CCN1: variants seen among roughly 807,000 people sequenced by gnomAD.
CCN1 encodes CCN family member 1.
CCN1 carries 12 observed loss-of-function variants against 38.1 expected under a neutral mutation model. The ratio of observed to expected loss-of-function variants is 0.31; its 90% CI spans 0.20 to 0.51. The LOEUF (loss-of-function observed/expected upper bound fraction) is 0.51, where lower values mean the gene tolerates loss of function less well. CCN1 is among the 20% of genes least tolerant of loss of function. The probability of loss-of-function intolerance (pLI) is 0.97; values close to 1 mark genes in which losing one functional copy is unlikely to be tolerated. For missense variants in CCN1, 466 were observed against 490.9 expected (o/e 0.95, Z 0.48); for synonymous variants, 202 against 196.1 (o/e 1.03, Z -0.25).
chr1:85,581,400 C>G lies in CCN1; in HGVS notation c.99C>G (p.Pro33=), dbSNP rs369237188. The change falls in exon 2 of 5, where the codon CCC becomes CCG. Residue 33 remains proline, a synonymous_variant. Coordinates refer to ENST00000451137, the MANE Select transcript of CCN1 (RefSeq NM_001554.5). ...CCTGCCCCGCTGCCTGCCACTGCCCCCTGGAGGCGCCCAAGTGCGCGCCGG... is the reference window on the plus strand; with the variant it reads ...CCTGCCCCGCTGCCTGCCACTGCCCGCTGGAGGCGCCCAAGTGCGCGCCGG... The part of the protein sequence containing the change: ...LSTCPAACHC[P]LEAPKCAPGV... The G allele has an allele frequency of 2.5e-6, 4 of 1,604,082 alleles. No individual in the cohort carries two copies. The highest frequency in any genetic ancestry group is 3.4e-6 in the Non-Finnish European group (4 of 1,176,214).
rs1320683539 is a variant in CCN1 at position 85,583,263 on chromosome 1, T to G, written c.*221T>G. 3 of 578,808 alleles carry G rather than the reference T, an allele frequency of 5.2e-6. No individual in the cohort carries two copies. In the South Asian group the frequency reaches 6.8e-5, roughly 13 times the overall value. 35.9% of individuals were successfully genotyped at this position (578,808 alleles called of 1,614,324 possible). On this transcript the variant is annotated 3_prime_UTR_variant, in exon 5 of 5. Coordinates refer to ENST00000451137, the MANE Select transcript of CCN1 (RefSeq NM_001554.5). ...CACGATTGGAGAATACTTTGCTTCA[T>G]AGTATTGGAGCACATGTTACTGCTT... is the stretch of plus-strand genomic sequence containing the variant.
At chr1:85,581,249 C>T in intron 1 of CCN1, 116 bp from the exon 2 acceptor site, 1 of 1,256,418 alleles carries the variant, frequency 8.0e-7, no homozygotes, top group Non-Finnish European at 1.1e-6. Flanking sequence ...CCGGGCTGGA[C>T]GAGATCAGAG....
At position 85,582,495 on chromosome 1, in the gene CCN1, G is replaced by T. The variant is rs759768515; in HGVS notation, c.714G>T (p.Gln238His). 1.2e-6 allele frequency: 2 copies of T among 1,614,148 alleles called. No individual in the cohort carries two copies. Among genetic ancestry groups the T allele is most frequent in the Admixed American group, 3.3e-5 (2 of 60,026 alleles). Reference protein sequence around the residue: ...KCIVQTTSWSQCSKTCGTGIS... With the variant: ...KCIVQTTSWSHCSKTCGTGIS... ...TTGTTCAAACAACTTCATGGTCCCA[G>T]TGCTCAAAGACCTGTGGAACTGGTA... The change falls in exon 4 of 5, where the codon CAG (glutamine) becomes CAT (histidine). Residue 238 changes from glutamine (Q) to histidine (H), a missense_variant. By Grantham distance (24) the Gln-to-His change is conservative (BLOSUM62 0). Transcript: ENST00000451137.
Position 85,582,044 on chromosome 1 carries a change from C to T in CCN1, c.394C>T (p.Pro132Ser), listed in dbSNP as rs776604993. The change falls in exon 3 of 5, where the codon CCT becomes TCT. Residue 132 changes from proline (P) to serine (S), a missense_variant. Pro to Ser is a moderately conservative substitution (Grantham distance 74). Around this residue, in one of 3 missense-constraint regions of CCN1, gnomAD observed 309 missense variants for 319.9 expected, o/e 0.97. Coordinates refer to ENST00000451137, the MANE Select transcript of CCN1 (RefSeq NM_001554.5). The part of the protein sequence containing the change: ...TCIDGAVGCI[P>S]LCPQELSLPN... ...TATTGATGGCGCCGTGGGCTGCATT[C>T]CTCTGTGTCCCCAAGAACTATCTCT... The T allele has an allele frequency of 6.2e-7, 1 of 1,614,190 alleles. No individual in the cohort carries two copies. The highest frequency in any genetic ancestry group is 1.3e-5 in the African/African-American group (1 of 75,062).
At chr1:85,581,103 C>G in intron 1 of CCN1, 56 bp downstream of exon 1, 6 of 1,541,654 alleles carry the variant, frequency 3.9e-6, no homozygotes, top group Non-Finnish European at 5.2e-6. Flanking sequence ...AGCCCCTTCC[C>G]CTGGTCCCAG....
At position 85,582,860 on chromosome 1, in the gene CCN1, T is replaced by C; in HGVS notation, c.964T>C (p.Cys322Arg). The C allele has an allele frequency of 1.9e-6, 3 of 1,614,200 alleles. No individual in the cohort carries two copies. The highest frequency in any genetic ancestry group is 1.3e-5 in the African/African-American group (1 of 75,048). ...CTGCGGTTCCTGCGTGGACGGCCGA[T>C]GCTGCACGCCCCAGCTGACCAGGAC... ...KYCGSCVDGR[C>R]CTPQLTRTVK... The change falls in exon 5 of 5, where the codon TGC (cysteine) becomes CGC (arginine). Residue 322 changes from cysteine (C) to arginine (R), a missense_variant. Physicochemically the swap from Cys to Arg is radical, Grantham distance 180. Transcript: ENST00000451137.
rs538855206 is a variant in CCN1, at chr1:85,583,095, A to C, written c.*53A>C. ...TAGACAAACAAGGGAGAAGAGTGTCAGAATCAGAATCATGGAGAAAATGGG... is the reference window on the plus strand; with the variant it reads ...TAGACAAACAAGGGAGAAGAGTGTCCGAATCAGAATCATGGAGAAAATGGG... On this transcript the variant is annotated 3_prime_UTR_variant, in exon 5 of 5. Coordinates refer to ENST00000451137, the MANE Select transcript of CCN1 (RefSeq NM_001554.5). 8.3e-5 allele frequency: 128 copies of C among 1,549,222 alleles called. 1 individual carries two copies. The Admixed American group carries it at 1.8e-3, about 21-fold the overall frequency.
In CCN1 at chr1:85,580,766, G is replaced by C. The variant is rs1248290526; in HGVS notation, c.-219G>C. 1 of 370,698 alleles carries C rather than the reference G, an allele frequency of 2.7e-6. No individual in the cohort carries two copies. The highest frequency in any genetic ancestry group is 4.1e-5 in the East Asian group (1 of 24,124). 23.0% of individuals were successfully genotyped at this position (370,698 alleles called of 1,614,324 possible). A position where few individuals can be genotyped will look rare whatever the true frequency, so the allele number is the denominator to read the frequency against. On this transcript the variant is annotated 5_prime_UTR_variant, in exon 1 of 5. Transcript: ENST00000451137. ...GGGCTCCGGGGCGCCTGGGCAGACC[G>C]CGAGCGAGAGCGCCCCCGAGCAGCG... is the stretch of plus-strand genomic sequence containing the variant.
rs1282762983 is a variant in CCN1 at position 85,580,930 on chromosome 1, A to G, written c.-55A>G. The G allele has an allele frequency of 1.5e-5, 22 of 1,500,276 alleles. No homozygotes were observed. The highest frequency in any genetic ancestry group is 2.0e-5 in the Non-Finnish European group (22 of 1,127,414). 92.9% of individuals were successfully genotyped at this position (1,500,276 alleles called of 1,614,324 possible). On this transcript the variant is annotated 5_prime_UTR_variant, in exon 1 of 5. Coordinates refer to ENST00000451137, the MANE Select transcript of CCN1 (RefSeq NM_001554.5). ...GCGCACGGCCTGTCCGCTGCACACC[A>G]GCTTGTTGGCGTCTTCGTCGCCGCG...
intron 2 of CCN1, 153 bp from the exon 3 acceptor site, chr1:85,581,775 T>C (rs1659795747): frequency 9.2e-7 from 1 of 1,088,454 alleles, no homozygotes. Context: ...GATTCCTGAC[T>C]AACTTATTGT....
chr1:85,581,699 A>G lies in CCN1; in HGVS notation c.277+121A>G, dbSNP rs901177361. 8 of 1,299,118 alleles carry G rather than the reference A, an allele frequency of 6.2e-6. No homozygotes were observed. In the African/African-American group the frequency reaches 7.3e-5, roughly 12 times the overall value. 80.5% of individuals were successfully genotyped at this position (1,299,118 alleles called of 1,614,324 possible). A position where few individuals can be genotyped will look rare whatever the true frequency, so the allele number is the denominator to read the frequency against. ...TGTTGGTAGCTTGGCAGAAAGGCAC[A>G]TGATTTCAGCAGTCTGGAATGCAAT... On this transcript the variant is annotated intron_variant, in intron 2 of 4. Coordinates refer to ENST00000451137, the MANE Select transcript of CCN1 (RefSeq NM_001554.5).
rs1166684237 is a variant in CCN1 at position 85,582,197 on chromosome 1, C to A, written c.547C>A (p.Leu183Met). 6.2e-7 allele frequency: 1 copy of A among 1,614,142 alleles called. No individual in the cohort carries two copies. The highest frequency in any genetic ancestry group is 8.5e-7 in the Non-Finnish European group (1 of 1,180,028). ...CCAGGACGGCCTCCTTGGCAAGGAGCTGGGATTCGATGCCTCCGAGGTGGA... is the reference window on the plus strand; with the variant it reads ...CCAGGACGGCCTCCTTGGCAAGGAGATGGGATTCGATGCCTCCGAGGTGGA... Reference protein sequence around the residue: ...EDQDGLLGKELGFDASEVELT... With the variant: ...EDQDGLLGKEMGFDASEVELT... The change falls in exon 3 of 5, where the codon CTG (leucine) becomes ATG (methionine). Residue 183 changes from leucine (L) to methionine (M), a missense_variant. Transcript: ENST00000451137.
chr1:85,582,796 C>G lies in CCN1; in HGVS notation c.900C>G (p.Tyr300Ter). The change falls in exon 5 of 5, where the codon TAC (tyrosine) becomes TAG (stop). Residue 300 changes from tyrosine to a stop codon, truncating the protein, a stop_gained. Transcript: ENST00000451137. LOFTEE classifies it high-confidence loss of function. ...KKSPEPVRFT[Y>*]AGCLSVKKYR... ...CCCCCGAACCAGTCAGGTTTACTTA[C>G]GCTGGATGTTTGAGTGTGAAGAAAT... The G allele has an allele frequency of 6.2e-7, 1 of 1,614,182 alleles. No individual in the cohort carries two copies. Among genetic ancestry groups the G allele is most frequent in the Non-Finnish European group, 8.5e-7 (1 of 1,180,040 alleles).
intron 1 of CCN1, 62 bp downstream of exon 1, chr1:85,581,109 C>G: frequency 2.6e-6 from 4 of 1,518,964 alleles, no homozygotes; most frequent in Non-Finnish European, 3.5e-6. Flanking sequence ...TTCCCCTGGT[C>G]CCAGATTGCC....
rs771284240 is a variant in CCN1, at chr1:85,582,561, T to C, written c.780T>C (p.Leu260=). 2 of 1,614,142 alleles carry C rather than the reference T, an allele frequency of 1.2e-6. No homozygotes were observed. Among genetic ancestry groups the C allele is most frequent in the South Asian group, 1.1e-5 (1 of 91,070 alleles). The part of the protein sequence containing the change: ...RVTNDNPECR[L]VKETRICEVR... ...CCAATGACAACCCTGAGTGCCGCCT[T>C]GTGAAAGAAACCCGGATTTGTGAGG... The change falls in exon 4 of 5, where the codon CTT becomes CTC. Residue 260 remains leucine (L), a synonymous_variant. Transcript: ENST00000451137.
rs757325644 is a variant in CCN1, at chr1:85,581,358, C to G, written c.64-7C>G. On this transcript the variant is annotated splice_polypyrimidine_tract_variant and splice_region_variant and intron_variant, in intron 1 of 4. Coordinates refer to ENST00000451137, the MANE Select transcript of CCN1 (RefSeq NM_001554.5). ...CGAGTCTCACGCGTATCTTCTCCCCCTTCCAGGCGCTCTCCACCTGCCCCG... is the reference window on the plus strand; with the variant it reads ...CGAGTCTCACGCGTATCTTCTCCCCGTTCCAGGCGCTCTCCACCTGCCCCG... The G allele has an allele frequency of 2.2e-5, 34 of 1,572,356 alleles. 1 individual carries two copies. The highest frequency in any genetic ancestry group is 4.6e-5 in the South Asian group (4 of 86,690).
At chr1:85,581,072 C>T (rs778520172) in intron 1 of CCN1, 25 bp downstream of exon 1, 3 of 1,600,020 alleles carry the variant, frequency 1.9e-6, no homozygotes, top group Admixed American at 1.7e-5. Context: ...CCTTTTGCCA[C>T]CTATTCCCCG....
intron 1 of CCN1, 146 bp from the exon 2 acceptor site, chr1:85,581,219 G>GTC: frequency 1.7e-6 from 2 of 1,173,876 alleles, no homozygotes; most frequent in Admixed American, 2.7e-5. Context: ...CCTCTTGGTG[G>GTC]GAGCAGCCTT....
Position 85,582,113 on chromosome 1 carries a change from G to T in CCN1, c.463G>T (p.Gly155Trp). Residue 155 changes from glycine to tryptophan, a missense_variant, in exon 3 of 5, where the codon GGG becomes TGG. By Grantham distance (184) the Gly-to-Trp change is radical (BLOSUM62 -2). Transcript: ENST00000451137. The stretch of plus-strand genomic sequence containing the variant: ...CAACCCTCGGCTGGTCAAAGTTACC[G>T]GGCAGTGCTGCGAGGAGTGGGTCTG... Reference protein sequence around the residue: ...CPNPRLVKVTGQCCEEWVCDE... With the variant: ...CPNPRLVKVTWQCCEEWVCDE... The T allele has an allele frequency of 6.2e-7, 1 of 1,614,144 alleles. No individual in the cohort carries two copies. The highest frequency in any genetic ancestry group is 8.5e-7 in the Non-Finnish European group (1 of 1,180,028).
Sources: allele counts gnomAD v4.1 joint callset, GRCh38; gene constraint gnomAD v4.1.1; regional missense constraint gnomAD v4.1.1; transcripts MANE v1.5; gene names NCBI Gene and HGNC (gene_info 2026-07-23, HGNC 2026-07-21).